Variants in CACNA1A observed in about 807,000 individuals in gnomAD.
The protein encoded by CACNA1A is voltage-dependent P/Q-type calcium channel subunit alpha-1A.
CACNA1A carries 57 observed loss-of-function variants against 262.4 expected under a neutral mutation model. The observed-to-expected ratio is 0.22, with a 90% CI of 0.18 to 0.27. CACNA1A has a LOEUF of 0.27. Among genes scored for constraint, CACNA1A ranks in the 10% least tolerant of loss-of-function variants. The pLI is 1.00. For missense variants in CACNA1A, 2,526 were observed against 3,562.8 expected (o/e 0.71, Z 7.41); for synonymous variants, 1,431 against 1,419.3 (o/e 1.01, Z -0.18).
intron 31 of CACNA1A, among the ~76,000 whole-genome samples, chr19:13,237,523 G>C (rs1054912682): frequency 3.3e-5 from 5 of 152,152 alleles, no homozygotes; most frequent in Admixed American, 3.3e-4. Context: ...TGCTGGCTTT[G>C]GCCTGGGAGC....
rs367977898 is a variant in CACNA1A at position 13,422,573 on chromosome 19, T to C, written c.539+30303A>G. ...GGCTGGCTCCTGGAAAGAATATCTG[T>C]ATATCTAGGGCTTTGGGCCATGCCT... On this transcript the variant is annotated intron_variant, in intron 3 of 46. Coordinates refer to ENST00000360228, the MANE Select transcript of CACNA1A (RefSeq NM_001127222.2). Among the ~76,000 whole-genome samples the C allele has an allele frequency of 2.0e-4, 31 of 152,304 alleles. No individual in the cohort carries two copies. The South Asian group carries it at 6.0e-3, about 29-fold the overall frequency.
chr19:13,336,594 G>GGAGGGAGAGGGAGAGAGAGAGAGAGA (rs1555768095), intron 6 of CACNA1A, among the ~76,000 whole-genome samples: 2 of 65,494 alleles, frequency 3.1e-5, no homozygotes, highest in Admixed American at 3.8e-4. Flanking sequence ...AGAGAGAGAG[G>GGAGGGAGAGGGAGAGAGAGAGAGAGA]GAGAGAGAGA....
intron 35 of CACNA1A, among the ~76,000 whole-genome samples, chr19:13,230,996 T>TTTTTG (rs2055644793): frequency 7.6e-6 from 1 of 131,862 alleles, no homozygotes; most frequent in Non-Finnish European, 1.6e-5. Flanking sequence ...TGTTTTTTTT[T>TTTTTG]TTTTTGTTTG....
intron 22 of CACNA1A, among the ~76,000 whole-genome samples, chr19:13,278,187 C>G (rs1163787210): frequency 6.6e-6 from 1 of 151,962 alleles, no homozygotes; most frequent in East Asian, 1.9e-4. Flanking sequence ...AAGTCAGGCA[C>G]ATCCTTCCCC....
intron 1 of CACNA1A, among the ~76,000 whole-genome samples, chr19:13,469,838 A>T (rs904223287): frequency 1.3e-5 from 2 of 151,952 alleles, no homozygotes; most frequent in Non-Finnish European, 2.9e-5. Context: ...CGAGCCCTGC[A>T]ACCCACTGAC....
intron 3 of CACNA1A, among the ~76,000 whole-genome samples, chr19:13,424,430 T>C: frequency 6.6e-6 from 1 of 152,176 alleles, no homozygotes; most frequent in East Asian, 1.9e-4. Context: ...CTGGATGTTC[T>C]ATTACTTATT....
chr19:13,495,875 A>G (rs115018216), intron 1 of CACNA1A, among the ~76,000 whole-genome samples: 1,954 of 151,758 alleles, frequency 0.013, 43 homozygotes, highest in African/African-American at 0.045. Context: ...TCATACACCA[A>G]TCCATCCAGT....
intron 38 of CACNA1A, among the ~76,000 whole-genome samples, chr19:13,218,506 C>A (rs1010473745): frequency 1.8e-4 from 28 of 152,318 alleles, no homozygotes; most frequent in Middle Eastern, 6.8e-3. Context: ...TGGAGGCAGA[C>A]AACTGGAAGC....
intron 6 of CACNA1A, among the ~76,000 whole-genome samples, chr19:13,344,886 C>G (rs1385413152): frequency 2.0e-5 from 3 of 152,000 alleles, no homozygotes; most frequent in Non-Finnish European, 4.4e-5. Flanking sequence ...TCCCAAGTAG[C>G]TGGGATTACA....
chr19:13,442,559 G>T (rs941547716), intron 3 of CACNA1A, among the ~76,000 whole-genome samples: 3 of 152,206 alleles, frequency 2.0e-5, no homozygotes, highest in African/African-American at 7.2e-5. Flanking sequence ...TCCCCCACAA[G>T]AATTTAAGTT....
intron 1 of CACNA1A, among the ~76,000 whole-genome samples, chr19:13,466,114 T>C (rs1477316013): frequency 6.6e-6 from 1 of 152,206 alleles, no homozygotes; most frequent in Non-Finnish European, 1.5e-5. Context: ...ACAGTTGGAG[T>C]GCAGTAAATG....
intron 2 of CACNA1A, among the ~76,000 whole-genome samples, chr19:13,453,222 C>T (rs1046492102): frequency 6.6e-6 from 1 of 152,234 alleles, no homozygotes; most frequent in Non-Finnish European, 1.5e-5. Flanking sequence ...GCACCTTCCT[C>T]CTTCATTCCT....
At chr19:13,415,775 T>TAAAAAAAAAAAAAAAAAAAAAAAAA (rs1568623943) in intron 3 of CACNA1A, among the ~76,000 whole-genome samples, 1 of 83,782 alleles carries the variant, frequency 1.2e-5, no homozygotes, top group African/African-American at 4.6e-5. Context: ...AAAAAAAAAG[T>TAAAAAAAAAAAAAAAAAAAAAAAAA]AGATGGGGCC....
At chr19:13,374,839 G>T (rs1204572251) in intron 3 of CACNA1A, among the ~76,000 whole-genome samples, 1 of 151,742 alleles carries the variant, frequency 6.6e-6, no homozygotes, top group Non-Finnish European at 1.5e-5. Context: ...AGCAGGCTTT[G>T]TTTTGTTTTG....
At chr19:13,336,594 G>GGAGAGAGAGGGAGAGGGAGAGAGA (rs1555768093) in intron 6 of CACNA1A, among the ~76,000 whole-genome samples, 20 of 65,496 alleles carry the variant, frequency 3.1e-4, no homozygotes, top group African/African-American at 9.2e-4. Context: ...AGAGAGAGAG[G>GGAGAGAGAGGGAGAGGGAGAGAGA]GAGAGAGAGA....
intron 15 of CACNA1A, 165 bp downstream of exon 15, chr19:13,307,617 C>T (rs1313917618): frequency 1.6e-6 from 1 of 613,320 alleles, no homozygotes; most frequent in Non-Finnish European, 2.9e-6. Context: ...ATCTGTTGGC[C>T]TCACCATAAT....
intron 3 of CACNA1A, among the ~76,000 whole-genome samples, chr19:13,375,000 T>C (rs2059381249): frequency 6.6e-6 from 1 of 152,188 alleles, no homozygotes; most frequent in Admixed American, 6.5e-5. Context: ...GTGCTTTGCT[T>C]TATTGCAATT....
chr19:13,490,454 T>C (rs1029977915), intron 1 of CACNA1A, among the ~76,000 whole-genome samples: 2 of 151,898 alleles, frequency 1.3e-5, no homozygotes, highest in Non-Finnish European at 2.9e-5. Flanking sequence ...AATGCAAAAA[T>C]TAGCTGGGTG....
At chr19:13,432,833 T>C (rs1339838384) in intron 3 of CACNA1A, among the ~76,000 whole-genome samples, 1 of 152,080 alleles carries the variant, frequency 6.6e-6, no homozygotes, top group Non-Finnish European at 1.5e-5. Context: ...CCCATTGTAC[T>C]CCATGAATAT....
Sources: gnomAD v4.1 joint callset for allele counts (sites outside exome capture counted in the v4.1 genomes callset) on GRCh38, gnomAD v4.1.1 for gene constraint, MANE v1.5 for transcripts, NCBI Gene and HGNC (gene_info 2026-07-23, HGNC 2026-07-21) for gene names.